Variants in ZBTB17 observed in about 807,000 individuals in gnomAD.
ZBTB17 encodes the protein zinc finger and BTB domain containing 17.
A neutral mutation model predicts 85.1 loss-of-function variants in ZBTB17; 24 were observed. The observed-to-expected ratio is 0.28, with a 90% CI of 0.20 to 0.40. ZBTB17 has a LOEUF of 0.40. Ranked by LOEUF, ZBTB17 falls within the 10% of genes least tolerant of loss-of-function variation. The pLI is 1.00. For synonymous variants in ZBTB17, 464 were observed against 460.2 expected, an observed-to-expected ratio of 1.01 and a Z score of -0.11; for missense variants, 743 against 1,105.1, an observed-to-expected ratio of 0.67 and a Z score of 4.65.
intron 2 of ZBTB17, among the ~76,000 whole-genome samples, chr1:15,965,289 A>G (rs2072403505): frequency 6.6e-6 from 1 of 152,192 alleles, no homozygotes; most frequent in Non-Finnish European, 1.5e-5. Flanking sequence ...AAACCACCCA[A>G]TAGAAAAATG....
At position 15,958,411 on chromosome 1, in the gene ZBTB17, C is replaced by T. The variant is rs1348127123; in HGVS notation, c.-2-9914G>A. On this transcript the variant is annotated intron_variant, in intron 2 of 15. Coordinates refer to ENST00000375743, the MANE Select transcript of ZBTB17 (RefSeq NM_003443.3). ...AACAGAGCCACAGCCTGGTCCAATA[C>T]GACCAAAAAAAAAAAAAAAAAAACA... 2.5e-4 allele frequency among the ~76,000 whole-genome samples: 32 copies of T among 129,048 alleles called. No homozygotes were observed. In the East Asian group the frequency reaches 4.5e-3, roughly 18 times the overall value. The allele number at this position is 129,048 out of a possible 152,430, so 84.7% of individuals were successfully genotyped here. A position where few individuals can be genotyped will look rare whatever the true frequency, so the allele number is the denominator to read the frequency against.
At chr1:15,957,460 GGT>G (rs1389400582) in intron 2 of ZBTB17, among the ~76,000 whole-genome samples, 1 of 152,076 alleles carries the variant, frequency 6.6e-6, no homozygotes, top group Non-Finnish European at 1.5e-5. Flanking sequence ...GAGAGGAGCA[GGT>G]GTGCATGAGA....
Position 15,943,799 on chromosome 1 carries a change from T to G in ZBTB17, c.1459+9A>C. On this transcript the variant is annotated intron_variant, in intron 10 of 15. Coordinates refer to ENST00000375743, the MANE Select transcript of ZBTB17 (RefSeq NM_003443.3). ...GGTGTGAGGGCAGCCAGGGCAGCCC[T>G]GGCCCTACCTGAGGTGGTGAACTGC... 6.2e-7 allele frequency: 1 copy of G among 1,612,382 alleles called. No individual in the cohort carries two copies. The highest frequency in any genetic ancestry group is 1.1e-5 in the South Asian group (1 of 90,888).
rs777962489 is a variant in ZBTB17 at position 15,975,978 on chromosome 1, C to A, written c.-90+5G>T. ...CCCCGGCCCCGGGCGATTGTTGACA[C>A]TCACCTGCCATGTCCCGGACCCCAC... On this transcript the variant is annotated splice_donor_5th_base_variant and intron_variant, in intron 1 of 15. Coordinates refer to ENST00000375743, the MANE Select transcript of ZBTB17 (RefSeq NM_003443.3). The A allele has an allele frequency of 2.1e-5, 15 of 700,128 alleles. No individual in the cohort carries two copies. The South Asian group carries it at 2.2e-4, about 10-fold the overall frequency. The allele number at this position is 700,128 out of a possible 1,614,324, so 43.4% of individuals were successfully genotyped here. A position where few individuals can be genotyped will look rare whatever the true frequency, so the allele number is the denominator to read the frequency against.
rs757970293 is a variant in ZBTB17, at chr1:15,973,115, C to A, written c.-79G>T. 6.6e-6 allele frequency: 1 copy of A among 152,192 alleles called. No homozygotes were observed. The highest frequency in any genetic ancestry group is 1.5e-5 in the Non-Finnish European group (1 of 68,046). The allele number at this position is 152,192 out of a possible 1,614,324, so 9.4% of individuals were successfully genotyped here. A position where few individuals can be genotyped will look rare whatever the true frequency, so the allele number is the denominator to read the frequency against. On this transcript the variant is annotated 5_prime_UTR_variant, in exon 2 of 16. Transcript: ENST00000375743. This position sits in a 1 kb window ranked among gnomAD's most constrained non-coding sequence, Gnocchi z 4.1. Reference sequence around the variant, plus strand: ...AAACTCCAGCTTGGCTCCCCTCGTCCGGCTCATTACCTGAATCAATGACAC... The same window carrying A: ...AAACTCCAGCTTGGCTCCCCTCGTCAGGCTCATTACCTGAATCAATGACAC...
At chr1:15,945,870 T>G in intron 5 of ZBTB17, 30 bp from the exon 6 acceptor site, 1 of 1,576,144 alleles carries the variant, frequency 6.3e-7, no homozygotes, top group African/African-American at 1.3e-5. Context: ...GAGGCTGGAT[T>G]GCTACCCTCT....
rs2071370156 is a variant in ZBTB17, at chr1:15,941,892, T to C, written c.*77A>G. The C allele has an allele frequency of 1.3e-6, 2 of 1,502,210 alleles. No homozygotes were observed. Among genetic ancestry groups the C allele is most frequent in the Non-Finnish European group, 1.8e-6 (2 of 1,126,078 alleles). 93.1% of individuals were successfully genotyped at this position (1,502,210 alleles called of 1,614,324 possible). On this transcript the variant is annotated 3_prime_UTR_variant, in exon 16 of 16. Transcript: ENST00000375743. ...CATTAGAAAATAATCCAATTTATTC[T>C]CTCTAGGGAACAGGCCACCCTTCCC...
intron 3 of ZBTB17, among the ~76,000 whole-genome samples, chr1:15,947,635 C>T (rs1183900715): frequency 6.6e-6 from 1 of 152,152 alleles, no homozygotes; most frequent in Non-Finnish European, 1.5e-5. Flanking sequence ...GTTGTGAACA[C>T]CTGCCCTCCA....
chr1:15,943,532 C>T lies in ZBTB17; in HGVS notation c.1577-13G>A. On this transcript the variant is annotated splice_polypyrimidine_tract_variant and intron_variant, in intron 11 of 15. Coordinates refer to ENST00000375743, the MANE Select transcript of ZBTB17 (RefSeq NM_003443.3). Reference sequence around the variant, plus strand: ...CATGGCTTCTCACCTGGGGACCGGGCAGAAGGTGTTGGTGCCTGCTCCTCT... The same window carrying T: ...CATGGCTTCTCACCTGGGGACCGGGTAGAAGGTGTTGGTGCCTGCTCCTCT... 1 of 1,610,206 alleles carries T rather than the reference C, an allele frequency of 6.2e-7. No individual in the cohort carries two copies. Among genetic ancestry groups the T allele is most frequent in the Non-Finnish European group, 8.5e-7 (1 of 1,177,570 alleles).
chr1:15,944,587 A>G lies in ZBTB17; in HGVS notation c.1084T>C (p.Tyr362His). 1 of 1,598,892 alleles carries G rather than the reference A, an allele frequency of 6.3e-7. No homozygotes were observed. Among genetic ancestry groups the G allele is most frequent in the Non-Finnish European group, 8.5e-7 (1 of 1,179,318 alleles). Residue 362 changes from tyrosine (Y) to histidine (H), a missense_variant, in exon 9 of 16, where the codon TAC becomes CAC. By Grantham distance (83) the Tyr-to-His change is moderately conservative (BLOSUM62 2). Coordinates refer to ENST00000375743, the MANE Select transcript of ZBTB17 (RefSeq NM_003443.3). ...HEKTHSPLKP[Y>H]GCEECGKSYR... is the part of the protein sequence containing the mutation. ...CTCTTCCCGCACTCCTCGCAGCCGT[A>G]GGGCTTCAGAGGGCTGCAGGGCCAG... is the stretch of plus-strand genomic sequence containing the variant.
At chr1:15,961,359 C>T (rs2072252288) in intron 2 of ZBTB17, among the ~76,000 whole-genome samples, 2 of 152,188 alleles carry the variant, frequency 1.3e-5, no homozygotes, top group Non-Finnish European at 2.9e-5. Context: ...CAGAAGCCAA[C>T]ATCAGATTTT....
rs1351002710 is a variant in ZBTB17 at position 15,976,068 on chromosome 1, C to T, written c.-175G>A. ...ACGGCACTCCAGAGCAGACAAAGGG[C>T]GCCGCCATGTTAGAGTCGGGCGGAA... On this transcript the variant is annotated 5_prime_UTR_variant, in exon 1 of 16. Coordinates refer to ENST00000375743, the MANE Select transcript of ZBTB17 (RefSeq NM_003443.3). 2 of 688,976 alleles carry T rather than the reference C, an allele frequency of 2.9e-6. No individual in the cohort carries two copies. Among genetic ancestry groups the T allele is most frequent in the Non-Finnish European group, 2.6e-6 (1 of 378,694 alleles). 42.7% of individuals were successfully genotyped at this position (688,976 alleles called of 1,614,324 possible).
At position 15,956,641 on chromosome 1, in the gene ZBTB17, CA is replaced by C. The variant is rs1205857072; in HGVS notation, c.-2-8145del. On this transcript the variant is annotated intron_variant, in intron 2 of 15. Transcript: ENST00000375743. ...GCTGCTCATCTACTCATAATTATTG[CA>C]TTGCCCTTTAGGGGTGCTCAGCCTA... Among the ~76,000 whole-genome samples the C allele has an allele frequency of 3.3e-5, 5 of 152,288 alleles. No homozygotes were observed. The East Asian group carries it at 9.6e-4, about 29-fold the overall frequency.
rs1207663081 is a variant in ZBTB17, at chr1:15,953,480, AAG to A, written c.-2-4985_-2-4984del. Among the ~76,000 whole-genome samples, 1 of 152,228 alleles carries A rather than the reference AAG, an allele frequency of 6.6e-6. No individual in the cohort carries two copies. Among genetic ancestry groups the A allele is most frequent in the Non-Finnish European group, 1.5e-5 (1 of 68,034 alleles). ...CGTGGCAGCGAGGGTCAGAGGAGCTAAGAGAGCCGCCAAGGCTCCTGCGGGTG... is the reference window on the plus strand; with the variant it reads ...CGTGGCAGCGAGGGTCAGAGGAGCTAAGAGCCGCCAAGGCTCCTGCGGGTG... On this transcript the variant is annotated intron_variant, in intron 2 of 15. Transcript: ENST00000375743. The surrounding 1 kb of genome is among the most constrained non-coding windows in gnomAD (Gnocchi z 5.1).
chr1:15,944,729 C>A lies in ZBTB17; in HGVS notation c.1038G>T (p.Pro346=). The A allele has an allele frequency of 6.2e-7, 1 of 1,611,444 alleles. No individual in the cohort carries two copies. The highest frequency in any genetic ancestry group is 8.5e-7 in the Non-Finnish European group (1 of 1,179,890). The part of the protein sequence containing the change: ...CRECSKAFSD[P]AACKAHEKTH... Reference sequence around the variant, plus strand: ...TCTTCTCATGGGCCTTGCACGCGGCCGGGTCGGAAAAGGCCTTGCTGCACT... The same window carrying A: ...TCTTCTCATGGGCCTTGCACGCGGCAGGGTCGGAAAAGGCCTTGCTGCACT... The change falls in exon 8 of 16, where the codon CCG becomes CCT. Residue 346 remains proline, a synonymous_variant. Transcript: ENST00000375743.
chr1:15,957,142 G>T (rs551523274), intron 2 of ZBTB17, among the ~76,000 whole-genome samples: 7 of 148,832 alleles, frequency 4.7e-5, no homozygotes, highest in Non-Finnish European at 8.9e-5. Flanking sequence ...TCGTGCCACT[G>T]CACTCCAGCC....
intron 3 of ZBTB17, 142 bp downstream of exon 3, chr1:15,948,149 A>G: frequency 1.0e-6 from 1 of 964,958 alleles, no homozygotes; most frequent in Non-Finnish European, 1.6e-6. Flanking sequence ...TTAGTACTGA[A>G]TTGCTCATGG....
intron 2 of ZBTB17, among the ~76,000 whole-genome samples, chr1:15,963,395 G>A (rs946473553): frequency 5.9e-5 from 9 of 152,224 alleles, no homozygotes; most frequent in African/African-American, 2.2e-4. Context: ...AAGTAATACT[G>A]AGAGGTCAAA....
chr1:15,948,324 C>T lies in ZBTB17; in HGVS notation c.172G>A (p.Asp58Asn). Residue 58 changes from aspartate (D) to asparagine (N), a missense_variant, in exon 3 of 16, where the codon GAC (aspartate) becomes AAC (asparagine). Physicochemically the swap from Asp to Asn is conservative, Grantham distance 23. This residue lies in a region of ZBTB17 where 74 missense variants were observed against 142.6 expected (regional missense o/e 0.52). Transcript: ENST00000375743. ...YFKMLFVDQK[D>N]VVHLDISNAA... The stretch of plus-strand genomic sequence containing the variant: ...TTACTGATGTCCAGGTGCACCACGT[C>T]CTTCTGGTCCACGAAGAGCATCTTG... 3 of 1,613,952 alleles carry T rather than the reference C, an allele frequency of 1.9e-6. No homozygotes were observed. The highest frequency in any genetic ancestry group is 2.5e-6 in the Non-Finnish European group (3 of 1,180,058).
Sources: gnomAD v4.1 joint callset for allele counts (sites outside exome capture counted in the v4.1 genomes callset) on GRCh38, gnomAD v4.1.1 for gene constraint, gnomAD v4.1.1 regional missense constraint, Gnocchi (gnomAD v3.1) non-coding constraint, MANE v1.5 for transcripts, NCBI Gene and HGNC (gene_info 2026-07-23, HGNC 2026-07-21) for gene names.